Variants in MYOM2 observed in about 807,000 individuals in gnomAD.
MYOM2 encodes the protein myomesin 2, also known as myomesin-2.
In MYOM2, 254 loss-of-function variants were observed where a neutral mutation model predicts 187.6. The ratio of observed to expected loss-of-function variants is 1.35; its 90% CI spans 1.22 to 1.50. The LOEUF is 1.50. Ranked by LOEUF, MYOM2 falls within the 40% of genes most tolerant of loss-of-function variation. The pLI, the probability that MYOM2 is intolerant of heterozygous loss-of-function variation, is 0.00. For synonymous variants in MYOM2, 981 were observed against 753.8 expected, an observed-to-expected ratio of 1.30 and a Z score of -4.94; for missense variants, 2,796 against 1,924.0, an observed-to-expected ratio of 1.45 and a Z score of -8.48.
chr8:2,095,441 C>A (rs556712714), intron 17 of MYOM2, among the ~76,000 whole-genome samples: 1 of 152,144 alleles, frequency 6.6e-6, no homozygotes, highest in Non-Finnish European at 1.5e-5. Flanking sequence ...ACAGGCACCA[C>A]CACCACGCCC....
chr8:2,136,549 C>T (rs1216980730), intron 32 of MYOM2, among the ~76,000 whole-genome samples: 1 of 152,148 alleles, frequency 6.6e-6, no homozygotes, highest in Non-Finnish European at 1.5e-5. Flanking sequence ...TAGAGGGTCA[C>T]TTTTTAAAAG....
At chr8:2,076,482 C>A in intron 11 of MYOM2, 200 bp downstream of exon 11, 2 of 664,650 alleles carry the variant, frequency 3.0e-6, no homozygotes, top group Non-Finnish European at 4.8e-6. Flanking sequence ...AGCATAACCA[C>A]ACTGGGTTTC....
chr8:2,058,541 C>A (rs1818749574), intron 5 of MYOM2, among the ~76,000 whole-genome samples: 1 of 152,192 alleles, frequency 6.6e-6, no homozygotes, highest in African/African-American at 2.4e-5. Context: ...CCTCAAGACC[C>A]TTTTTGTATC....
At chr8:2,081,125 C>T (rs1247041342) in intron 13 of MYOM2, among the ~76,000 whole-genome samples, 6 of 107,952 alleles carry the variant, frequency 5.6e-5, no homozygotes, top group Non-Finnish European at 9.1e-5. Flanking sequence ...TTGGTTCTGG[C>T]CTGCGGGAGG....
At chr8:2,095,429 C>T (rs1796446209) in intron 17 of MYOM2, among the ~76,000 whole-genome samples, 1 of 151,872 alleles carries the variant, frequency 6.6e-6, no homozygotes, top group African/African-American at 2.4e-5. Flanking sequence ...TTAGCTAGGA[C>T]CACAGGCACC....
At chr8:2,110,420 G>A (rs1427319506) in intron 25 of MYOM2, among the ~76,000 whole-genome samples, 1 of 152,156 alleles carries the variant, frequency 6.6e-6, no homozygotes, top group African/African-American at 2.4e-5. Context: ...AATTATGTCA[G>A]GTACTCCTTA....
intron 13 of MYOM2, among the ~76,000 whole-genome samples, chr8:2,081,101 C>T (rs1421620332): frequency 7.8e-6 from 1 of 128,392 alleles, no homozygotes; most frequent in East Asian, 2.3e-4. Context: ...CAGCCCAGCC[C>T]GTGTAGAATG....
At chr8:2,086,488 T>TCGTGATCTCTGC (rs1796073356) in intron 14 of MYOM2, among the ~76,000 whole-genome samples, 2 of 61,024 alleles carry the variant, frequency 3.3e-5, no homozygotes, top group Non-Finnish European at 7.5e-5. Context: ...ATGATCTCTG[T>TCGTGATCTCTGC]GTGGCCCCCC....
intron 14 of MYOM2, 117 bp downstream of exon 14, chr8:2,085,507 T>TCCGCGTGGCCCCC (rs1819808000): frequency 9.4e-7 from 1 of 1,059,806 alleles, no homozygotes; most frequent in African/African-American, 1.7e-5. Context: ...TGTTGTGATC[T>TCCGCGTGGCCCCC]CCGCGTGGCC....
intron 28 of MYOM2, among the ~76,000 whole-genome samples, chr8:2,121,101 C>T (rs1797438811): frequency 6.6e-6 from 1 of 152,030 alleles, no homozygotes; most frequent in Admixed American, 6.5e-5. Flanking sequence ...TGATGATAGC[C>T]TGTGTATGTA....
chr8:2,121,575 G>A (rs1017885905), intron 28 of MYOM2, among the ~76,000 whole-genome samples: 9 of 152,180 alleles, frequency 5.9e-5, no homozygotes, highest in Non-Finnish European at 1.0e-4. Context: ...GTGATTCGGT[G>A]CACCATTTTG....
intron 13 of MYOM2, among the ~76,000 whole-genome samples, chr8:2,082,741 T>C (rs1437789829): frequency 6.6e-6 from 1 of 152,236 alleles, no homozygotes; most frequent in Non-Finnish European, 1.5e-5. Flanking sequence ...TCTCTCCTAA[T>C]TATGTATGCA....
At position 2,108,773 on chromosome 8, in the gene MYOM2, T is replaced by A. The variant is rs187926450; in HGVS notation, c.2999-13T>A. On this transcript the variant is annotated splice_polypyrimidine_tract_variant and intron_variant, in intron 23 of 36. Transcript: ENST00000262113. ...AGGTCCAGATGAATTGAAATACTTT[T>A]TCTTCGTTTTAGAGCTCGAGCGTTT... The A allele has an allele frequency of 2.6e-4, 418 of 1,613,944 alleles. 5 individuals carry two copies. In the African/African-American group the frequency reaches 4.7e-3, roughly 18 times the overall value.
chr8:2,055,271 G>C (rs1006910463), intron 3 of MYOM2, among the ~76,000 whole-genome samples: 2 of 152,184 alleles, frequency 1.3e-5, no homozygotes, highest in Non-Finnish European at 2.9e-5. Context: ...GCTTATAGAG[G>C]TGGCACGTGC....
chr8:2,053,052 G>A (rs1467414967), intron 3 of MYOM2, among the ~76,000 whole-genome samples: 1 of 152,124 alleles, frequency 6.6e-6, no homozygotes, highest in Non-Finnish European at 1.5e-5. Flanking sequence ...CGGGTGCCTT[G>A]TTTTATACCT....
intron 31 of MYOM2, among the ~76,000 whole-genome samples, chr8:2,125,276 G>T (rs957639425): frequency 5.9e-5 from 9 of 152,192 alleles, no homozygotes; most frequent in African/African-American, 2.2e-4. Context: ...TGTGGCATAA[G>T]TTAAAGCGCC....
At chr8:2,112,734 G>A (rs1168707350) in intron 25 of MYOM2, among the ~76,000 whole-genome samples, 1 of 152,186 alleles carries the variant, frequency 6.6e-6, no homozygotes, top group African/African-American at 2.4e-5. Context: ...AAACAGAAAT[G>A]TAAACTCAGA....
At chr8:2,104,048 A>C (rs1434762186) in intron 21 of MYOM2, among the ~76,000 whole-genome samples, 1 of 152,330 alleles carries the variant, frequency 6.6e-6, no homozygotes, top group East Asian at 1.9e-4. Flanking sequence ...ACTTTGGGTC[A>C]TCTTCATGCT....
chr8:2,128,402 AT>A (rs1797730588), intron 31 of MYOM2, among the ~76,000 whole-genome samples: 1 of 152,248 alleles, frequency 6.6e-6, no homozygotes, highest in African/African-American at 2.4e-5. Flanking sequence ...TGTGCTAATT[AT>A]GTAAATCTAG....
Sources: gnomAD v4.1 joint callset for allele counts (sites outside exome capture counted in the v4.1 genomes callset) on GRCh38, gnomAD v4.1.1 for gene constraint, MANE v1.5 for transcripts, NCBI Gene and HGNC (gene_info 2026-07-23, HGNC 2026-07-21) for gene names.